MED23: variants seen among roughly 807,000 people sequenced by gnomAD.
MED23 encodes the protein mediator of RNA polymerase II transcription subunit 23.
In MED23, 105 loss-of-function variants were observed where a neutral mutation model predicts 163.9. That is an observed-to-expected ratio of 0.64 (90% CI 0.55 to 0.75). The LOEUF (loss-of-function observed/expected upper bound fraction) is 0.75. MED23 is among the 30% of genes least tolerant of loss of function. The pLI, the probability that MED23 is intolerant of heterozygous loss-of-function variation, is 0.00. For missense variants in MED23, 1,054 were observed against 1,649.0 expected (o/e 0.64, Z 6.25); for synonymous variants, 561 against 565.6 (o/e 0.99, Z 0.12).
chr6:131,595,840 A>T, intron 22 of MED23, 107 bp downstream of exon 22: 1 of 818,400 alleles, frequency 1.2e-6, no homozygotes, highest in Non-Finnish European at 2.0e-6. Context: ...CTTCATTTTT[A>T]AAATATTTAA....
chr6:131,604,391 G>C, intron 14 of MED23, 71 bp from the exon 15 acceptor site: 1 of 1,468,762 alleles, frequency 6.8e-7, no homozygotes, highest in South Asian at 1.2e-5. Context: ...ACTCTACTTA[G>C]AAGTAACTTA....
chr6:131,595,437 A>T (rs994716276), intron 22 of MED23, among the ~76,000 whole-genome samples: 1 of 152,216 alleles, frequency 6.6e-6, no homozygotes, highest in Non-Finnish European at 1.5e-5. Context: ...ATCATACTCA[A>T]TAACTTCCAG....
chr6:131,583,811 G>A (rs760574009), downstream of MED23: 35 of 1,613,960 alleles, frequency 2.2e-5, no homozygotes, highest in East Asian at 4.5e-5. Context: ...GAAGTAACTC[G>A]AACAGTGAAC....
At chr6:131,583,415 A>T (rs750244366), downstream of MED23, 14 of 1,614,190 alleles carry the variant, frequency 8.7e-6, no homozygotes, top group South Asian at 1.3e-4. Context: ...CTTTCACACC[A>T]GCTACTGGCA....
In MED23 at chr6:131,587,023, T is replaced by C. The variant is rs1056938634; in HGVS notation, c.*656A>G. On this transcript the variant is annotated 3_prime_UTR_variant, in exon 29 of 29. Transcript: ENST00000368068. Reference sequence around the variant, plus strand: ...GATTTTAAGTTCAAGAATTTTCAGATGTTATTTTCTTACATGGCTTCCAAC... The same window carrying C: ...GATTTTAAGTTCAAGAATTTTCAGACGTTATTTTCTTACATGGCTTCCAAC... The C allele has an allele frequency of 6.9e-7, 1 of 1,444,240 alleles. No individual in the cohort carries two copies. The highest frequency in any genetic ancestry group is 9.1e-7 in the Non-Finnish European group (1 of 1,096,472). 89.5% of individuals were successfully genotyped at this position (1,444,240 alleles called of 1,614,324 possible).
intron 9 of MED23, among the ~76,000 whole-genome samples, chr6:131,616,304 T>C (rs1776686993): frequency 6.6e-6 from 1 of 152,192 alleles, no homozygotes; most frequent in South Asian, 2.1e-4. Flanking sequence ...TCTACTATCC[T>C]TTCCCTGAAA....
chr6:131,588,504 A>T (rs77780214), intron 28 of MED23, among the ~76,000 whole-genome samples: 1,834 of 152,154 alleles, frequency 0.012, 40 homozygotes, highest in African/African-American at 0.042. Context: ...TACTTTTTTT[A>T]AAAAAACAAA....
Position 131,598,705 on chromosome 6 carries a change from AT to A in MED23, c.2276del (p.Asn759MetfsTer12). 3 of 1,613,578 alleles carry A rather than the reference AT, an allele frequency of 1.9e-6. No homozygotes were observed. Among genetic ancestry groups the A allele is most frequent in the East Asian group, 2.2e-5 (1 of 44,852 alleles). ...PQESRFNLKKNVEEEYRKWKS... is the reference protein window; with the variant it reads ...PQESRFNLKKXVEEEYRKWKS... ...TCCACTTCCTATACTCCTCCTCCACATTTTTTTTCAGATTAAAACGGCTTTC... is the reference window on the plus strand; with the variant it reads ...TCCACTTCCTATACTCCTCCTCCACATTTTTTTCAGATTAAAACGGCTTTC... On this transcript the variant is annotated frameshift_variant, in exon 19 of 29. Transcript: ENST00000368068. LOFTEE classifies it high-confidence loss of function. This position sits in a 1 kb window ranked among gnomAD's most constrained non-coding sequence, Gnocchi z 4.7.
At chr6:131,592,938 TTTG>T in intron 24 of MED23, 65 bp downstream of exon 24, 2 of 1,585,594 alleles carry the variant, frequency 1.3e-6, no homozygotes, top group Non-Finnish European at 1.7e-6. Flanking sequence ...GTCTTAAAAG[TTTG>T]AAATAGAATA....
rs1434234604 is a variant in MED23 at position 131,591,306 on chromosome 6, T to C, written c.3686+7A>G. 1.9e-6 allele frequency: 3 copies of C among 1,601,502 alleles called. No homozygotes were observed. The highest frequency in any genetic ancestry group is 2.2e-5 in the South Asian group (2 of 90,800). ...GTCAAATTTCTTTAAGAAATTATTA[T>C]ACTTACTTTGGAATGAGAGAAAGTT... is the stretch of plus-strand genomic sequence containing the variant. On this transcript the variant is annotated splice_region_variant and intron_variant, in intron 26 of 28. Coordinates refer to ENST00000368068, the MANE Select transcript of MED23 (RefSeq NM_004830.4).
At chr6:131,574,563 T>C (rs187285609) in intron 30 of MED23, among the ~76,000 whole-genome samples, 1 of 152,328 alleles carries the variant, frequency 6.6e-6, no homozygotes, top group African/African-American at 2.4e-5. Flanking sequence ...AACATGGTCA[T>C]GAGAATGGAG....
rs1161834539 is a variant in MED23, at chr6:131,624,760, C to T, written c.284+105G>A. The stretch of plus-strand genomic sequence containing the variant: ...ATAAAGGATTACTTGATAAACCTCA[C>T]CTTCTTCTTCATTCTCTTACCTTTT... On this transcript the variant is annotated intron_variant, in intron 4 of 28. Coordinates refer to ENST00000368068, the MANE Select transcript of MED23 (RefSeq NM_004830.4). 6.2e-6 allele frequency: 8 copies of T among 1,282,682 alleles called. No individual in the cohort carries two copies. The African/African-American group carries it at 7.4e-5, about 12-fold the overall frequency. The allele number at this position is 1,282,682 out of a possible 1,614,324, so 79.5% of individuals were successfully genotyped here.
At chr6:131,610,865 C>T (rs1011146474) in intron 10 of MED23, among the ~76,000 whole-genome samples, 1 of 152,150 alleles carries the variant, frequency 6.6e-6, no homozygotes, top group African/African-American at 2.4e-5. Flanking sequence ...CTCTGCTCTT[C>T]CTTCTTGGAA....
At position 131,598,389 on chromosome 6, in the gene MED23, A is replaced by G; in HGVS notation, c.2505T>C (p.Ser835=). 1 of 1,614,178 alleles carries G rather than the reference A, an allele frequency of 6.2e-7. No individual in the cohort carries two copies. Among genetic ancestry groups the G allele is most frequent in the Non-Finnish European group, 8.5e-7 (1 of 1,180,018 alleles). The change falls in exon 20 of 29, where the codon TCT becomes TCC. Residue 835 remains serine (S), a synonymous_variant. Transcript: ENST00000368068. This position sits in a 1 kb window ranked among gnomAD's most constrained non-coding sequence, Gnocchi z 4.7. ...TFADFLVYEF[S]TSAGGQQLNK... Reference sequence around the variant, plus strand: ...TGAGTTGCTGACCCCCTGCTGATGTAGAAAACTCATATACCAGGAAATCTG... The same window carrying G: ...TGAGTTGCTGACCCCCTGCTGATGTGGAAAACTCATATACCAGGAAATCTG...
At chr6:131,622,104 C>T (rs1473123221) in intron 5 of MED23, 125 bp from the exon 6 acceptor site, 5 of 651,884 alleles carry the variant, frequency 7.7e-6, no homozygotes, top group African/African-American at 7.3e-5. Flanking sequence ...GAATCAGTTA[C>T]AATCTAAGTC....
rs1009698294 is a variant in MED23, at chr6:131,596,091, A to T, written c.2851T>A (p.Tyr951Asn). ...ACATTCCCAAAATAGATGGGCAGAT[A>T]GGGAGACTGGATCTGTACAGGAGGA... ...VDPPVQIQSP[Y>N]LPIYFGNVCL... is the part of the protein sequence containing the mutation. Residue 951 changes from tyrosine to asparagine, a missense_variant, in exon 22 of 29, where the codon TAT becomes AAT. By Grantham distance (143) the Tyr-to-Asn change is moderately radical. Coordinates refer to ENST00000368068, the MANE Select transcript of MED23 (RefSeq NM_004830.4). 3 of 1,614,146 alleles carry T rather than the reference A, an allele frequency of 1.9e-6. No homozygotes were observed. Among genetic ancestry groups the T allele is most frequent in the Non-Finnish European group, 2.5e-6 (3 of 1,179,988 alleles).
downstream of MED23, chr6:131,583,543 A>ATAT (rs747543156): frequency 2.6e-6 from 4 of 1,548,674 alleles, no homozygotes; most frequent in Non-Finnish European, 2.6e-6. Flanking sequence ...TGACTAATAT[A>ATAT]TATTTATACC....
At chr6:131,608,277 T>C (rs935759791) in intron 11 of MED23, among the ~76,000 whole-genome samples, 1 of 152,140 alleles carries the variant, frequency 6.6e-6, no homozygotes, top group African/African-American at 2.4e-5. Context: ...TTTAATATTA[T>C]ATATATGCTT....
intron 22 of MED23, among the ~76,000 whole-genome samples, chr6:131,595,163 C>A (rs1462675816): frequency 1.3e-5 from 2 of 152,324 alleles, no homozygotes; most frequent in Non-Finnish European, 2.9e-5. Context: ...ATTTCTGTCA[C>A]TGACCCTGCC....
Sources: gnomAD v4.1 joint callset for allele counts (sites outside exome capture counted in the v4.1 genomes callset) on GRCh38, gnomAD v4.1.1 for gene constraint, Gnocchi (gnomAD v3.1) non-coding constraint, MANE v1.5 for transcripts, NCBI Gene and HGNC (gene_info 2026-07-23, HGNC 2026-07-21) for gene names.